Variants in CTNNA2 observed in about 807,000 individuals in gnomAD.
CTNNA2 encodes catenin alpha 2.
Under a neutral mutation model 101.0 loss-of-function variants are expected in CTNNA2, and 42 were observed. The ratio of observed to expected loss-of-function variants is 0.42; its 90% confidence interval spans 0.32 to 0.54. The LOEUF is 0.54. Ranked by LOEUF, CTNNA2 falls within the 20% of genes least tolerant of loss-of-function variation. The probability of loss-of-function intolerance (pLI) is 0.14; values close to 1 mark genes in which losing one functional copy is unlikely to be tolerated. For missense variants in CTNNA2, 871 were observed against 1,223.1 expected (o/e 0.71, Z 4.29); for synonymous variants, 450 against 456.4 (o/e 0.99, Z 0.18).
chr2:79,312,294 A>AT (rs1676392907), intron 2 of CTNNA2, among the ~76,000 whole-genome samples: 3 of 152,192 alleles, frequency 2.0e-5, no homozygotes, highest in Non-Finnish European at 4.4e-5. Context: ...TTGGCCAGTC[A>AT]TTCTTCTGCA....
chr2:79,735,488 C>T (rs1211111034), intron 2 of CTNNA2, among the ~76,000 whole-genome samples: 1 of 151,944 alleles, frequency 6.6e-6, no homozygotes. Flanking sequence ...TATGACTGGC[C>T]ATTCATATTG....
intron 3 of CTNNA2, chr2:79,339,589 AC>A (rs1482956277): frequency 1.3e-5 from 2 of 152,184 alleles, no homozygotes; most frequent in Non-Finnish European, 2.9e-5. Flanking sequence ...CCGCAAGTTC[AC>A]CCACATATGA....
intron 7 of CTNNA2, among the ~76,000 whole-genome samples, chr2:80,356,517 C>T (rs1264635435): frequency 2.6e-5 from 4 of 152,094 alleles, no homozygotes; most frequent in Admixed American, 6.6e-5. Flanking sequence ...CCATGATAGG[C>T]CAGCCACTGT....
chr2:79,233,616 G>A (rs566621394), intron 2 of CTNNA2, among the ~76,000 whole-genome samples: 1 of 152,116 alleles, frequency 6.6e-6, no homozygotes, highest in Non-Finnish European at 1.5e-5. Context: ...TTAGTTTCCT[G>A]CCTCAATAAT....
In CTNNA2 at chr2:80,623,925, A is replaced by G. The variant is rs115662136; in HGVS notation, c.2574+4697A>G. 3.2e-3 allele frequency among the ~76,000 whole-genome samples: 480 copies of G among 152,136 alleles called. 2 individuals are homozygous for G. The highest frequency in any genetic ancestry group is 0.011 in the African/African-American group (463 of 41,546). On this transcript the variant is annotated intron_variant, in intron 18 of 18. Transcript: ENST00000402739. ...AAATAGTTTAGGGTAGTATAAGCAT[A>G]TTCTCAAGAAAATTGGTTTAAATTG... is the stretch of plus-strand genomic sequence containing the variant.
intron 3 of CTNNA2, among the ~76,000 whole-genome samples, chr2:79,814,653 C>T (rs868579957): frequency 7.3e-6 from 1 of 136,426 alleles, no homozygotes; most frequent in Non-Finnish European, 1.5e-5. Flanking sequence ...ATATATATAT[C>T]ACAGTTTCTT....
chr2:79,453,772 A>T (rs1670781830), intron 4 of CTNNA2, among the ~76,000 whole-genome samples: 1 of 152,250 alleles, frequency 6.6e-6, no homozygotes, highest in South Asian at 2.1e-4. Context: ...TATAACTGAA[A>T]TAATTCATCA....
At chr2:79,858,950 A>G (rs892452) in intron 4 of CTNNA2, among the ~76,000 whole-genome samples, 52,656 of 150,526 alleles carry the variant, frequency 0.35, 10,172 homozygotes, top group East Asian at 0.6. Context: ...CCATTTTTCT[A>G]CTTGCTGATT....
At chr2:80,120,943 G>A (rs774101370) in intron 7 of CTNNA2, among the ~76,000 whole-genome samples, 2 of 152,148 alleles carry the variant, frequency 1.3e-5, no homozygotes, top group Admixed American at 6.5e-5. Context: ...AGTGTGTGGT[G>A]TAAATCGAAT....
intron 1 of CTNNA2, among the ~76,000 whole-genome samples, chr2:79,548,540 T>A (rs1307364312): frequency 4.6e-5 from 7 of 152,238 alleles, no homozygotes; most frequent in Admixed American, 4.6e-4. Flanking sequence ...TATGATTCTT[T>A]ACCTTTCTCC....
At chr2:79,638,970 T>G (rs1233128629) in intron 1 of CTNNA2, among the ~76,000 whole-genome samples, 1 of 152,216 alleles carries the variant, frequency 6.6e-6, no homozygotes, top group Non-Finnish European at 1.5e-5. Flanking sequence ...GGTTAATTTG[T>G]TTCCTGCATT....
chr2:79,728,612 G>T (rs1008999836), intron 2 of CTNNA2, among the ~76,000 whole-genome samples: 6 of 152,110 alleles, frequency 3.9e-5, no homozygotes, highest in Admixed American at 1.3e-4. Flanking sequence ...GGCTTTTGTT[G>T]CCATTGCTTT....
intron 7 of CTNNA2, among the ~76,000 whole-genome samples, chr2:79,911,435 A>G (rs1417228709): frequency 6.6e-6 from 1 of 152,250 alleles, no homozygotes; most frequent in Non-Finnish European, 1.5e-5. Flanking sequence ...GTTCTTCTAA[A>G]TAGAAATCAC....
chr2:79,603,510 T>G (rs899804721), intron 1 of CTNNA2, among the ~76,000 whole-genome samples: 1 of 152,196 alleles, frequency 6.6e-6, no homozygotes, highest in Non-Finnish European at 1.5e-5. Context: ...CTAATGGACT[T>G]TCACTCATCT....
intron 4 of CTNNA2, among the ~76,000 whole-genome samples, chr2:79,492,940 T>C (rs1558680642): frequency 6.6e-6 from 1 of 152,150 alleles, no homozygotes; most frequent in African/African-American, 2.4e-5. Flanking sequence ...ACCATATCAA[T>C]AGTTAAAAAG....
At chr2:80,072,701 T>A (rs1326676638) in intron 7 of CTNNA2, among the ~76,000 whole-genome samples, 1 of 151,982 alleles carries the variant, frequency 6.6e-6, no homozygotes, top group African/African-American at 2.4e-5. Context: ...AAACCACATG[T>A]CATCAGTGAA....
At chr2:79,708,953 T>G (rs1469947759) in intron 2 of CTNNA2, among the ~76,000 whole-genome samples, 2 of 152,200 alleles carry the variant, frequency 1.3e-5, no homozygotes, top group Non-Finnish European at 2.9e-5. Context: ...TTTCTCGAAT[T>G]GAACAACAAT....
At chr2:79,601,006 G>A (rs1384186106) in intron 1 of CTNNA2, among the ~76,000 whole-genome samples, 1 of 152,026 alleles carries the variant, frequency 6.6e-6, no homozygotes, top group Non-Finnish European at 1.5e-5. Context: ...ATTTTAGGGG[G>A]ACACAAACAT....
intron 2 of CTNNA2, among the ~76,000 whole-genome samples, chr2:79,249,475 A>T (rs1189178207): frequency 6.6e-6 from 1 of 152,178 alleles, no homozygotes; most frequent in Non-Finnish European, 1.5e-5. Flanking sequence ...TTATAACTCA[A>T]ATCTTCAGAA....
Sources: gnomAD v4.1 joint callset for allele counts (sites outside exome capture counted in the v4.1 genomes callset) on GRCh38, gnomAD v4.1.1 for gene constraint, MANE v1.5 for transcripts, NCBI Gene and HGNC (gene_info 2026-07-23, HGNC 2026-07-21) for gene names.